Variants in MTDH observed in about 807,000 individuals in gnomAD.
The protein encoded by MTDH is metadherin, also known as protein LYRIC.
In MTDH, 34 loss-of-function variants were observed where a neutral mutation model predicts 72.7. That is an observed-to-expected ratio of 0.47 (90% CI 0.36 to 0.62). The LOEUF (loss-of-function observed/expected upper bound fraction) is 0.62. MTDH is among the 20% of genes least tolerant of loss of function. The pLI is 0.00. For missense variants in MTDH, 677 were observed against 699.4 expected, an observed-to-expected ratio of 0.97 and a Z score of 0.36; for synonymous variants, 266 against 268.9, an observed-to-expected ratio of 0.99 and a Z score of 0.10.
chr8:97,712,993 G>A (rs1413584381), intron 8 of MTDH, among the ~76,000 whole-genome samples: 2 of 151,906 alleles, frequency 1.3e-5, no homozygotes, highest in African/African-American at 4.8e-5. Context: ...TCCTTAACAG[G>A]GTCAAATAAA....
At chr8:97,652,100 T>C (rs1419131216) in intron 1 of MTDH, among the ~76,000 whole-genome samples, 1 of 152,228 alleles carries the variant, frequency 6.6e-6, no homozygotes, top group Non-Finnish European at 1.5e-5. Context: ...AGCCTTCCTT[T>C]TACTGCATCC....
chr8:97,714,422 G>A (rs1180462198), intron 9 of MTDH, among the ~76,000 whole-genome samples: 5 of 152,068 alleles, frequency 3.3e-5, no homozygotes, highest in African/African-American at 7.2e-5. Flanking sequence ...AGACCAGCCT[G>A]GGCAACATGG....
In MTDH at chr8:97,686,695, T is replaced by C; in HGVS notation, c.511T>C (p.Ser171Pro). Residue 171 changes from serine (S) to proline (P), a missense_variant, in exon 3 of 12, where the codon TCA becomes CCA. Ser to Pro is a moderately conservative substitution (Grantham distance 74). Around this residue, in one of 3 missense-constraint regions of MTDH, gnomAD observed 467 missense variants for 469.1 expected, o/e 1.00. Coordinates refer to ENST00000336273, the MANE Select transcript of MTDH (RefSeq NM_178812.4). ...KSKKNKKKSK[S>P]DAKAVQNSSR... ...AAAGAAAAATAAGAAGAAATCAAAG[T>C]CAGATGCTAAAGCAGTGCAAAACAG... The C allele has an allele frequency of 6.3e-7, 1 of 1,580,202 alleles. No individual in the cohort carries two copies. The highest frequency in any genetic ancestry group is 8.6e-7 in the Non-Finnish European group (1 of 1,165,454).
intron 8 of MTDH, among the ~76,000 whole-genome samples, chr8:97,709,615 G>A (rs1814536868): frequency 6.6e-6 from 1 of 152,204 alleles, no homozygotes; most frequent in South Asian, 2.1e-4. Context: ...TTAGCATTAT[G>A]AATGGAAACT....
intron 7 of MTDH, among the ~76,000 whole-genome samples, chr8:97,705,793 G>T (rs530327992): frequency 6.6e-6 from 1 of 152,256 alleles, no homozygotes; most frequent in East Asian, 1.9e-4. Context: ...ACATATATAG[G>T]AGTATATGAT....
chr8:97,698,409 G>A (rs182539266), intron 6 of MTDH, among the ~76,000 whole-genome samples: 253 of 152,236 alleles, frequency 1.7e-3, no homozygotes, highest in Non-Finnish European at 7.8e-4. Context: ...GAACTCATAT[G>A]CCCCCAAAAC....
intron 6 of MTDH, among the ~76,000 whole-genome samples, chr8:97,693,383 C>G (rs1396712420): frequency 6.6e-6 from 1 of 152,232 alleles, no homozygotes; most frequent in African/African-American, 2.4e-5. Context: ...GTCGCCCAGG[C>G]TGGAGTGCAG....
intron 10 of MTDH, 24 bp from the exon 11 acceptor site, chr8:97,722,854 CT>C: frequency 6.3e-7 from 1 of 1,575,476 alleles, no homozygotes; most frequent in African/African-American, 1.4e-5. Flanking sequence ...ACCAAAAAAC[CT>C]GAGATGATTT....
chr8:97,676,091 C>T (rs1812835801), intron 2 of MTDH, among the ~76,000 whole-genome samples: 1 of 151,940 alleles, frequency 6.6e-6, no homozygotes, highest in African/African-American at 2.4e-5. Context: ...AGGCGTGCAC[C>T]ACCATGCCTG....
At position 97,705,303 on chromosome 8, in the gene MTDH, AAAAG is replaced by A. The variant is rs1243394502; in HGVS notation, c.1148-1321_1148-1318del. ...CAGAGTGAGACTCCATCTCAAAAAAAAAAGAGAATTGAGCATTGCTGGGCGTGGT... is the reference window on the plus strand; with the variant it reads ...CAGAGTGAGACTCCATCTCAAAAAAAAGAATTGAGCATTGCTGGGCGTGGT... On this transcript the variant is annotated intron_variant, in intron 7 of 11. Transcript: ENST00000336273. Among the ~76,000 whole-genome samples the A allele has an allele frequency of 8.6e-5, 13 of 151,456 alleles. No homozygotes were observed. The South Asian group carries it at 1.0e-3, about 12-fold the overall frequency.
chr8:97,702,589 C>T (rs1222736373), intron 7 of MTDH, among the ~76,000 whole-genome samples: 1 of 152,306 alleles, frequency 6.6e-6, no homozygotes, highest in Non-Finnish European at 1.5e-5. Context: ...GTTGTTAACA[C>T]TGGAGAATGT....
chr8:97,726,022 G>A lies in MTDH; in HGVS notation c.*1352G>A, dbSNP rs1815336939. Reference sequence around the variant, plus strand: ...TTTATGTGGCGCCAAGAACGAACCTGTTTAACAGCTGTAACCAATGGTACT... The same window carrying A: ...TTTATGTGGCGCCAAGAACGAACCTATTTAACAGCTGTAACCAATGGTACT... On this transcript the variant is annotated 3_prime_UTR_variant, in exon 12 of 12. Transcript: ENST00000336273. 1 of 152,576 alleles carries A rather than the reference G, an allele frequency of 6.6e-6. No individual in the cohort carries two copies. Among genetic ancestry groups the A allele is most frequent in the African/African-American group, 2.4e-5 (1 of 41,440 alleles). The allele number at this position is 152,576 out of a possible 1,614,324, so 9.5% of individuals were successfully genotyped here. A position where few individuals can be genotyped will look rare whatever the true frequency, so the allele number is the denominator to read the frequency against.
intron 2 of MTDH, among the ~76,000 whole-genome samples, chr8:97,669,212 G>A (rs754262579): frequency 2.0e-5 from 3 of 151,900 alleles, no homozygotes; most frequent in South Asian, 2.1e-4. Flanking sequence ...ACAGTGGCAC[G>A]ATCTCCGCTC....
chr8:97,662,494 G>C (rs1812211936), intron 2 of MTDH, among the ~76,000 whole-genome samples: 1 of 151,858 alleles, frequency 6.6e-6, no homozygotes, highest in South Asian at 2.1e-4. Context: ...GGTATGAAAT[G>C]GTTGCTGCTG....
At chr8:97,650,449 A>AT (rs971451037) in intron 1 of MTDH, among the ~76,000 whole-genome samples, 3 of 151,102 alleles carry the variant, frequency 2.0e-5, no homozygotes, top group African/African-American at 7.3e-5. Flanking sequence ...TAATTTTTGA[A>AT]TTTTTTGTAG....
At chr8:97,685,755 A>G (rs1329503747) in intron 2 of MTDH, among the ~76,000 whole-genome samples, 2 of 151,476 alleles carry the variant, frequency 1.3e-5, no homozygotes, top group Non-Finnish European at 2.9e-5. Context: ...GCAAGACTCC[A>G]TCTCAGAAAA....
intron 7 of MTDH, among the ~76,000 whole-genome samples, chr8:97,704,955 A>T (rs1814287483): frequency 6.6e-6 from 1 of 152,220 alleles, no homozygotes; most frequent in Admixed American, 6.5e-5. Context: ...CCAGGAATAG[A>T]TCAGTGGAAT....
At position 97,677,542 on chromosome 8, in the gene MTDH, T is replaced by C. The variant is rs528292541; in HGVS notation, c.484-9126T>C. Among the ~76,000 whole-genome samples, 5 of 151,024 alleles carry C rather than the reference T, an allele frequency of 3.3e-5. No homozygotes were observed. In the South Asian group the frequency reaches 1.0e-3, roughly 31 times the overall value. ...GAAAAGAAAAAGGAAGTGGACACTA[T>C]TATTTCTAGTAAGAACTCTATCAGC... On this transcript the variant is annotated intron_variant, in intron 2 of 11. Transcript: ENST00000336273.
intron 6 of MTDH, among the ~76,000 whole-genome samples, chr8:97,694,040 A>G (rs970964819): frequency 3.9e-5 from 6 of 152,110 alleles, no homozygotes; most frequent in African/African-American, 1.4e-4. Flanking sequence ...AAATCTAGTT[A>G]TACTTTCTTG....
Sources: allele counts gnomAD v4.1 joint callset (sites outside exome capture counted in the v4.1 genomes callset), GRCh38; gene constraint gnomAD v4.1.1; regional missense constraint gnomAD v4.1.1; transcripts MANE v1.5; gene names NCBI Gene and HGNC (gene_info 2026-07-23, HGNC 2026-07-21).